Variants in ABCD2 observed in about 807,000 individuals in gnomAD.
ABCD2 encodes ATP-binding cassette sub-family D member 2.
Under a neutral mutation model 70.9 loss-of-function variants are expected in ABCD2, and 36 were observed. That is an observed-to-expected ratio of 0.51 (90% CI 0.39 to 0.67). The LOEUF is 0.67. Among genes scored for constraint, ABCD2 ranks in the 30% least tolerant of loss-of-function variants. The pLI is 0.00. For synonymous variants in ABCD2, 304 were observed against 306.9 expected, an observed-to-expected ratio of 0.99 and a Z score of 0.10; for missense variants, 729 against 890.2, an observed-to-expected ratio of 0.82 and a Z score of 2.30.
intron 2 of ABCD2, among the ~76,000 whole-genome samples, chr12:39,612,161 T>A (rs1001048314): frequency 6.6e-6 from 1 of 152,172 alleles, no homozygotes; most frequent in Non-Finnish European, 1.5e-5. Context: ...TTTGGAAAAC[T>A]GTTTTACAAA....
At chr12:39,531,765 T>C in the ABCD2 span, among the ~76,000 whole-genome samples, 1 of 152,252 alleles carries the variant, frequency 6.6e-6, no homozygotes, top group Non-Finnish European at 1.5e-5. Flanking sequence ...TTGCAAGACA[T>C]ATAGCATCAT....
chr12:39,587,358 A>G (rs1941680120), intron 6 of ABCD2, among the ~76,000 whole-genome samples: 1 of 152,178 alleles, frequency 6.6e-6, no homozygotes, highest in Admixed American at 6.5e-5. Flanking sequence ...ATTGAACCAG[A>G]TAATTCTTTA....
At chr12:39,542,391 A>G in the ABCD2 span, among the ~76,000 whole-genome samples, 1 of 150,694 alleles carries the variant, frequency 6.6e-6, no homozygotes, top group Non-Finnish European at 1.5e-5. Context: ...TGAACCCGAG[A>G]GGTGGAGGTT....
In ABCD2 at chr12:39,610,704, T is replaced by C. The variant is rs539152415; in HGVS notation, c.1121-2990A>G. ...ATTTCATATGGCATGATAATTTCTG[T>C]CTTGCTTTGGCAGATTAATGCTTAT... is the stretch of plus-strand genomic sequence containing the variant. On this transcript the variant is annotated intron_variant, in intron 2 of 9. Transcript: ENST00000308666. 2.2e-4 allele frequency among the ~76,000 whole-genome samples: 33 copies of C among 152,336 alleles called. 1 individual carries two copies. The South Asian group carries it at 6.6e-3, about 31-fold the overall frequency.
intron 4 of ABCD2, among the ~76,000 whole-genome samples, chr12:39,604,521 A>G (rs1941944377): frequency 6.6e-6 from 1 of 152,082 alleles, no homozygotes; most frequent in East Asian, 1.9e-4. Flanking sequence ...CCATATGTGC[A>G]GTTTCCAAAA....
chr12:39,567,492 C>T (rs145276252), intron 9 of ABCD2, among the ~76,000 whole-genome samples: 2,391 of 152,182 alleles, frequency 0.016, 64 homozygotes, highest in African/African-American at 0.054. Flanking sequence ...GGTAGATCTT[C>T]CTCTATCCCT....
intron 9 of ABCD2, among the ~76,000 whole-genome samples, chr12:39,556,616 G>A (rs1006624405): frequency 1.4e-4 from 22 of 152,038 alleles, no homozygotes; most frequent in African/African-American, 2.2e-4. Flanking sequence ...TAAATTACCC[G>A]GTCTAGGGCA....
intron 6 of ABCD2, among the ~76,000 whole-genome samples, chr12:39,589,990 C>T (rs1488000750): frequency 1.3e-5 from 2 of 152,206 alleles, no homozygotes; most frequent in African/African-American, 4.8e-5. Context: ...AAAGCCACCA[C>T]TGAATTCTCT....
intron 2 of ABCD2, among the ~76,000 whole-genome samples, chr12:39,613,801 A>G (rs1942079652): frequency 6.6e-6 from 1 of 152,210 alleles, no homozygotes. Flanking sequence ...GCCATGTTGT[A>G]TATGTGATTT....
the ABCD2 span, among the ~76,000 whole-genome samples, chr12:39,535,410 A>G: frequency 6.6e-6 from 1 of 152,342 alleles, no homozygotes; most frequent in Middle Eastern, 3.4e-3. Flanking sequence ...TCTGACTTTC[A>G]AACTACTTAT....
At chr12:39,587,208 C>T (rs80352844) in intron 6 of ABCD2, among the ~76,000 whole-genome samples, 4 of 152,104 alleles carry the variant, frequency 2.6e-5, no homozygotes, top group African/African-American at 7.2e-5. Context: ...ATAGTACATC[C>T]GCTAAGCAGC....
intron 2 of ABCD2, among the ~76,000 whole-genome samples, chr12:39,615,470 ATACTAT>A (rs1264869189): frequency 1.3e-5 from 2 of 152,026 alleles, no homozygotes; most frequent in African/African-American, 4.8e-5. Flanking sequence ...TATGTCTAAA[ATACTAT>A]TACTAACAAT....
chr12:39,581,413 TA>T (rs1941593736), intron 7 of ABCD2, among the ~76,000 whole-genome samples: 1 of 152,198 alleles, frequency 6.6e-6, no homozygotes, highest in African/African-American at 2.4e-5. Context: ...TTTTCTTGGG[TA>T]AACTTCCAGA....
intron 6 of ABCD2, among the ~76,000 whole-genome samples, chr12:39,599,442 C>T (rs571765295): frequency 2.0e-5 from 3 of 152,280 alleles, no homozygotes; most frequent in Non-Finnish European, 4.4e-5. Flanking sequence ...GAATGTTTCC[C>T]AAAGGAATTG....
rs1441319435 is a variant in ABCD2, at chr12:39,550,049, A to T, written c.*3863T>A. On this transcript the variant is annotated 3_prime_UTR_variant, in exon 10 of 10. Transcript: ENST00000308666. ...ACAAGCATCTTCGGACAGGGACCAA[A>T]TTTTATTTAGTAATAGAACTTAGCA... is the stretch of plus-strand genomic sequence containing the variant. The T allele has an allele frequency of 6.6e-6, 1 of 151,770 alleles. No homozygotes were observed. Among genetic ancestry groups the T allele is most frequent in the Non-Finnish European group, 1.5e-5 (1 of 67,740 alleles). The allele number at this position is 151,770 out of a possible 1,614,324, so 9.4% of individuals were successfully genotyped here. A position where few individuals can be genotyped will look rare whatever the true frequency, so the allele number is the denominator to read the frequency against.
chr12:39,604,195 A>T (rs183968687), intron 4 of ABCD2, among the ~76,000 whole-genome samples, 189 bp from the exon 5 acceptor site: 95 of 152,202 alleles, frequency 6.2e-4, no homozygotes, highest in African/African-American at 2.2e-3. Context: ...ATTTGTACAT[A>T]TTGACACATC....
At chr12:39,580,405 A>T (rs1941581207) in intron 7 of ABCD2, among the ~76,000 whole-genome samples, 1 of 152,202 alleles carries the variant, frequency 6.6e-6, no homozygotes. Context: ...TTTTTCTTAC[A>T]AATAGAGTAG....
chr12:39,594,490 A>G (rs558637189), intron 6 of ABCD2, among the ~76,000 whole-genome samples: 2 of 152,342 alleles, frequency 1.3e-5, no homozygotes, highest in Non-Finnish European at 2.9e-5. Flanking sequence ...CAACATTCTC[A>G]GGATAAAATC....
intron 2 of ABCD2, among the ~76,000 whole-genome samples, chr12:39,608,208 G>A (rs1460750365): frequency 6.6e-6 from 1 of 151,748 alleles, no homozygotes; most frequent in Non-Finnish European, 1.5e-5. Context: ...GAAAAGAAGA[G>A]AGAGGAGAGG....
Sources: gnomAD v4.1 joint callset for allele counts (sites outside exome capture counted in the v4.1 genomes callset) on GRCh38, gnomAD v4.1.1 for gene constraint, MANE v1.5 for transcripts, NCBI Gene and HGNC (gene_info 2026-07-23, HGNC 2026-07-21) for gene names.